Variants in MGMT observed in about 807,000 individuals in gnomAD.
MGMT encodes methylated-DNA--protein-cysteine methyltransferase.
In MGMT, 14 loss-of-function variants were observed where a neutral mutation model predicts 15.9. That is an observed-to-expected ratio of 0.88 (90% CI 0.58 to 1.37). The LOEUF (loss-of-function observed/expected upper bound fraction) is 1.37, where lower values mean the gene tolerates loss of function less well. MGMT is among the 40% of genes most tolerant of loss of function. MGMT has a pLI of 0.00. For synonymous variants in MGMT, 130 were observed against 118.2 expected, an observed-to-expected ratio of 1.10 and a Z score of -0.65; for missense variants, 282 against 268.1, an observed-to-expected ratio of 1.05 and a Z score of -0.36.
intron 2 of MGMT, among the ~76,000 whole-genome samples, chr10:129,581,695 G>T (rs954879112): frequency 6.6e-6 from 1 of 152,140 alleles, no homozygotes; most frequent in South Asian, 2.1e-4. Context: ...AGAGTTCAAG[G>T]CCTCCTAAAG....
intron 3 of MGMT, among the ~76,000 whole-genome samples, chr10:129,740,349 A>G (rs530820522): frequency 2.0e-5 from 3 of 152,272 alleles, no homozygotes; most frequent in Admixed American, 2.0e-4. Context: ...TGGGGGTAGC[A>G]CTACAGGAGA....
chr10:129,518,497 G>GCCCCTCCTCCCCTCCCTTCCCGCTC lies in MGMT; in HGVS notation c.-12-17723_-12-17722insGCTCCCCCTCCTCCCCTCCCTTCCC, dbSNP rs1845766894. On this transcript the variant is annotated intron_variant, in intron 1 of 4. Coordinates refer to ENST00000651593, the MANE Select transcript of MGMT (RefSeq NM_002412.5). ...GCCCCTCCTCCCCTCCCTTCCCCCTGCCCCTCCTCCCCTCCCTTCCCCCTG... is the reference window on the plus strand; with the variant it reads ...GCCCCTCCTCCCCTCCCTTCCCCCTGCCCCTCCTCCCCTCCCTTCCCGCTCCCCCTCCTCCCCTCCCTTCCCCCTG... 5.2e-4 allele frequency among the ~76,000 whole-genome samples: 9 copies of GCCCCTCCTCCCCTCCCTTCCCGCTC among 17,440 alleles called. 1 individual carries two copies. Among genetic ancestry groups the GCCCCTCCTCCCCTCCCTTCCCGCTC allele is most frequent in the South Asian group, 7.4e-3 (2 of 270 alleles). The allele number at this position is 17,440 out of a possible 152,430, so 11.4% of individuals were successfully genotyped here.
intron 2 of MGMT, among the ~76,000 whole-genome samples, chr10:129,573,422 T>C (rs149207788): frequency 6.6e-6 from 1 of 152,190 alleles, no homozygotes; most frequent in Non-Finnish European, 1.5e-5. Flanking sequence ...GAGATTAACA[T>C]TGGTCCATTG....
chr10:129,660,794 A>T (rs555160958), intron 2 of MGMT, among the ~76,000 whole-genome samples: 6 of 151,904 alleles, frequency 3.9e-5, no homozygotes, highest in African/African-American at 1.2e-4. Flanking sequence ...ACACACACAC[A>T]CACACGCACA....
chr10:129,623,982 C>T (rs1022681584), intron 2 of MGMT, among the ~76,000 whole-genome samples: 1 of 152,264 alleles, frequency 6.6e-6, no homozygotes, highest in Non-Finnish European at 1.5e-5. Flanking sequence ...GACACCCTCT[C>T]CCTGCTAGCC....
rs1402548039 is a variant in MGMT at position 129,768,016 on chromosome 10, AAC to A, written c.*1021_*1022del. The A allele has an allele frequency of 6.6e-6, 1 of 152,212 alleles. No individual in the cohort carries two copies. The highest frequency in any genetic ancestry group is 1.5e-5 in the Non-Finnish European group (1 of 68,026). The allele number at this position is 152,212 out of a possible 1,614,324, so 9.4% of individuals were successfully genotyped here. A position where few individuals can be genotyped will look rare whatever the true frequency, so the allele number is the denominator to read the frequency against. ...TGTAGCTCTGCATATGGAGAAATAA[AAC>A]AGAGCATATGATGTATAGAGAAAAT... On this transcript the variant is annotated 3_prime_UTR_variant, in exon 5 of 5. Coordinates refer to ENST00000651593, the MANE Select transcript of MGMT (RefSeq NM_002412.5).
intron 2 of MGMT, among the ~76,000 whole-genome samples, chr10:129,677,923 A>C (rs894027673): frequency 6.6e-5 from 10 of 152,164 alleles, no homozygotes; most frequent in African/African-American, 2.4e-4. Context: ...GAGCGGTGAT[A>C]AGTTTAGATT....
intron 2 of MGMT, among the ~76,000 whole-genome samples, chr10:129,624,236 T>C (rs74949459): frequency 0.026 from 3,910 of 152,356 alleles, 80 homozygotes; most frequent in South Asian, 0.06. Flanking sequence ...TGCACCTCAC[T>C]CACGGCAGAT....
At chr10:129,538,007 T>G (rs1309998385) in intron 2 of MGMT, among the ~76,000 whole-genome samples, 1 of 152,034 alleles carries the variant, frequency 6.6e-6, no homozygotes, top group Non-Finnish European at 1.5e-5. Context: ...TTAGGTGTCT[T>G]GTGAGTAAGG....
intron 3 of MGMT, among the ~76,000 whole-genome samples, chr10:129,737,602 T>C (rs1424654559): frequency 1.3e-5 from 2 of 152,238 alleles, no homozygotes; most frequent in Non-Finnish European, 2.9e-5. Context: ...GGTGAGGAAC[T>C]GCGTTCCTTT....
intron 2 of MGMT, among the ~76,000 whole-genome samples, chr10:129,682,941 C>T (rs1256766523): frequency 6.6e-6 from 1 of 152,178 alleles, no homozygotes; most frequent in Non-Finnish European, 1.5e-5. Context: ...CTTCATCTCC[C>T]GGGTTCAAGC....
At chr10:129,486,406 C>G (rs926932848) in intron 1 of MGMT, among the ~76,000 whole-genome samples, 2 of 152,094 alleles carry the variant, frequency 1.3e-5, no homozygotes, top group African/African-American at 4.8e-5. Context: ...CCAGGCTATT[C>G]TCGAACTCTT....
chr10:129,500,298 C>T lies in MGMT; in HGVS notation c.-13+33002C>T, dbSNP rs1623918. ...GGTGAACTGGGCGGGGGATTCACAC[C>T]AGCCTGGGCCCTGGGCCATGGGGGG... On this transcript the variant is annotated intron_variant, in intron 1 of 4. Transcript: ENST00000651593. 3.5e-3 allele frequency among the ~76,000 whole-genome samples: 529 copies of T among 152,298 alleles called. 1 individual carries two copies. The highest frequency in any genetic ancestry group is 5.9e-3 in the Non-Finnish European group (399 of 68,022).
chr10:129,584,670 C>T (rs1846598621), intron 2 of MGMT, among the ~76,000 whole-genome samples: 1 of 152,108 alleles, frequency 6.6e-6, no homozygotes, highest in Non-Finnish European at 1.5e-5. Context: ...GGTACCAGCC[C>T]ACCACTAGTC....
At chr10:129,663,951 T>C (rs1464582720) in intron 2 of MGMT, among the ~76,000 whole-genome samples, 4 of 152,222 alleles carry the variant, frequency 2.6e-5, no homozygotes, top group Admixed American at 2.6e-4. Flanking sequence ...AAACGTCCCA[T>C]ATTTTTTATG....
At chr10:129,483,487 G>A (rs57088743) in intron 1 of MGMT, among the ~76,000 whole-genome samples, 4 of 151,638 alleles carry the variant, frequency 2.6e-5, no homozygotes, top group African/African-American at 9.7e-5. Flanking sequence ...TTTGTTTTTT[G>A]AAAAAAGCCT....
intron 1 of MGMT, among the ~76,000 whole-genome samples, chr10:129,468,740 C>T (rs1322604616): frequency 2.0e-5 from 3 of 152,034 alleles, no homozygotes; most frequent in African/African-American, 7.2e-5. Context: ...CAAAAATTAT[C>T]CAGGCGTGGT....
intron 2 of MGMT, among the ~76,000 whole-genome samples, chr10:129,589,265 G>A (rs1048285996): frequency 5.3e-5 from 8 of 152,170 alleles, no homozygotes; most frequent in Admixed American, 3.3e-4. Flanking sequence ...GCAGTGGGAC[G>A]TCAGAGCAGC....
chr10:129,691,856 G>A (rs560152039), intron 2 of MGMT, among the ~76,000 whole-genome samples: 3 of 152,324 alleles, frequency 2.0e-5, no homozygotes, highest in South Asian at 2.1e-4. Flanking sequence ...TAGAAGCCAC[G>A]TTGGAGAGGC....
Sources: allele counts gnomAD v4.1 joint callset (sites outside exome capture counted in the v4.1 genomes callset), GRCh38; gene constraint gnomAD v4.1.1; transcripts MANE v1.5; gene names NCBI Gene and HGNC (gene_info 2026-07-23, HGNC 2026-07-21).